The following MEGF9 variants were observed in gnomAD, a reference collection of about 807,000 sequenced individuals.
MEGF9 encodes multiple EGF like domains 9.
Under a neutral mutation model 46.8 loss-of-function variants are expected in MEGF9, and 6 were observed. That is an observed-to-expected ratio of 0.13 (90% CI 0.07 to 0.25). The LOEUF is 0.25. Among genes scored for constraint, MEGF9 ranks in the 10% least tolerant of loss-of-function variants. The pLI, the probability that MEGF9 is intolerant of heterozygous loss-of-function variation, is 1.00. For synonymous variants in MEGF9, 302 were observed against 330.7 expected, an observed-to-expected ratio of 0.91 and a Z score of 0.94; for missense variants, 683 against 792.4, an observed-to-expected ratio of 0.86 and a Z score of 1.66.
At chr9:120,707,247 C>A (rs191318855) in intron 1 of MEGF9, among the ~76,000 whole-genome samples, 4 of 152,282 alleles carry the variant, frequency 2.6e-5, no homozygotes, top group Admixed American at 2.6e-4. Context: ...CACAATCCCT[C>A]AAATCTGATG....
intron 4 of MEGF9, among the ~76,000 whole-genome samples, chr9:120,611,867 G>GGAAGGAAGGA (rs1333169277): frequency 5.0e-5 from 7 of 139,036 alleles, no homozygotes; most frequent in African/African-American, 1.9e-4. Flanking sequence ...AAGGAAGAAA[G>GGAAGGAAGGA]AGAGAGAGAG....
At chr9:120,636,157 T>C (rs1003969953) in intron 2 of MEGF9, among the ~76,000 whole-genome samples, 3 of 152,208 alleles carry the variant, frequency 2.0e-5, no homozygotes, top group Non-Finnish European at 4.4e-5. Flanking sequence ...AGGCTGGTCT[T>C]GAACTCCTGA....
chr9:120,647,837 T>C (rs939087616), intron 2 of MEGF9, among the ~76,000 whole-genome samples: 1 of 152,174 alleles, frequency 6.6e-6, no homozygotes, highest in African/African-American at 2.4e-5. Flanking sequence ...AACTTGCTTA[T>C]CTATCTGTAC....
chr9:120,661,889 G>A (rs887490322), intron 1 of MEGF9, among the ~76,000 whole-genome samples: 5 of 152,164 alleles, frequency 3.3e-5, no homozygotes, highest in Admixed American at 6.5e-5. Context: ...TTCTGAAATC[G>A]GGCAGAAATT....
chr9:120,620,963 T>C (rs2043496972), intron 3 of MEGF9, among the ~76,000 whole-genome samples: 1 of 152,234 alleles, frequency 6.6e-6, no homozygotes, highest in African/African-American at 2.4e-5. Context: ...TCAAGTATTT[T>C]GCCACCCTGT....
At chr9:120,680,819 C>A (rs953259486) in intron 1 of MEGF9, among the ~76,000 whole-genome samples, 1 of 152,206 alleles carries the variant, frequency 6.6e-6, no homozygotes, top group African/African-American at 2.4e-5. Context: ...GCCACCACCA[C>A]CACTGGTTCT....
intron 1 of MEGF9, among the ~76,000 whole-genome samples, chr9:120,688,751 T>C (rs2043835490): frequency 6.6e-6 from 1 of 152,064 alleles, no homozygotes; most frequent in Non-Finnish European, 1.5e-5. Flanking sequence ...GGTAAGTATA[T>C]GCAGGAGTTT....
At chr9:120,669,443 A>G (rs776986074) in intron 1 of MEGF9, among the ~76,000 whole-genome samples, 1 of 152,176 alleles carries the variant, frequency 6.6e-6, no homozygotes, top group African/African-American at 2.4e-5. Context: ...TTTACAAAAG[A>G]CATAAAACAG....
intron 1 of MEGF9, among the ~76,000 whole-genome samples, chr9:120,660,536 G>C (rs986313260): frequency 4.7e-5 from 7 of 149,322 alleles, no homozygotes; most frequent in African/African-American, 1.7e-4. Flanking sequence ...ATTTTTTTTT[G>C]TACCCATTAA....
At position 120,656,546 on chromosome 9, in the gene MEGF9, CAAA is replaced by C. The variant is rs11446439; in HGVS notation, c.803+2825_803+2827del. 5.5e-3 allele frequency among the ~76,000 whole-genome samples: 487 copies of C among 88,890 alleles called. 4 individuals are homozygous for C. The highest frequency in any genetic ancestry group is 0.021 in the African/African-American group (457 of 21,844). The allele number at this position is 88,890 out of a possible 152,430, so 58.3% of individuals were successfully genotyped here. A position where few individuals can be genotyped will look rare whatever the true frequency, so the allele number is the denominator to read the frequency against. ...TGAGAGACAGAGCGAGACTCCGTCT[CAAA>C]AAAAAAAAAAAAAAAAAAGATTAAA... On this transcript the variant is annotated intron_variant, in intron 2 of 5. Transcript: ENST00000373930.
chr9:120,672,382 C>T lies in MEGF9; in HGVS notation c.602-12807G>A, dbSNP rs1179272543. On this transcript the variant is annotated intron_variant, in intron 1 of 5. Coordinates refer to ENST00000373930, the MANE Select transcript of MEGF9 (RefSeq NM_001080497.3). The stretch of plus-strand genomic sequence containing the variant: ...CCAAGGTGGGAGGATTACATGAATC[C>T]AGGAGTTCAAGACCAGCCTAGGCAA... Among the ~76,000 whole-genome samples, 3 of 151,936 alleles carry T rather than the reference C, an allele frequency of 2.0e-5. No individual in the cohort carries two copies. The South Asian group carries it at 6.2e-4, about 32-fold the overall frequency.
intron 1 of MEGF9, among the ~76,000 whole-genome samples, chr9:120,689,145 T>C (rs563532809): frequency 5.3e-5 from 8 of 152,332 alleles, no homozygotes; most frequent in African/African-American, 1.9e-4. Flanking sequence ...TAGAACATTA[T>C]GGTACATGTG....
chr9:120,643,631 T>G (rs184477792), intron 2 of MEGF9, among the ~76,000 whole-genome samples: 2 of 152,298 alleles, frequency 1.3e-5, no homozygotes, highest in Non-Finnish European at 2.9e-5. Context: ...AATATTAGAT[T>G]TAAAGAGGAG....
chr9:120,605,078 C>A lies in MEGF9; in HGVS notation c.*112G>T. The A allele has an allele frequency of 2.9e-6, 3 of 1,029,474 alleles. No individual in the cohort carries two copies. The South Asian group carries it at 4.8e-5, about 16-fold the overall frequency. The allele number at this position is 1,029,474 out of a possible 1,614,324, so 63.8% of individuals were successfully genotyped here. On this transcript the variant is annotated 3_prime_UTR_variant, in exon 6 of 6. Transcript: ENST00000373930. The surrounding 1 kb of genome is among the most constrained non-coding windows in gnomAD (Gnocchi z 4.0). Reference sequence around the variant, plus strand: ...AATTTGTACCTGAAAATTTCAGATGCACTATTTGCCTTTGCTTTCTCAGCA... The same window carrying A: ...AATTTGTACCTGAAAATTTCAGATGAACTATTTGCCTTTGCTTTCTCAGCA...
chr9:120,663,794 T>C (rs976570928), intron 1 of MEGF9, among the ~76,000 whole-genome samples: 2 of 152,204 alleles, frequency 1.3e-5, no homozygotes, highest in African/African-American at 4.8e-5. Flanking sequence ...CTTTAATTCT[T>C]TGGAAAACTC....
At chr9:120,638,369 C>T (rs577664715) in intron 2 of MEGF9, among the ~76,000 whole-genome samples, 1 of 152,290 alleles carries the variant, frequency 6.6e-6, no homozygotes, top group East Asian at 1.9e-4. Context: ...TAATTTAGAA[C>T]TCATTTTCTC....
chr9:120,714,379 T>C lies in MEGF9; in HGVS notation c.-21A>G, dbSNP rs1195223114. The C allele has an allele frequency of 2.3e-6, 3 of 1,285,148 alleles. No individual in the cohort carries two copies. Among genetic ancestry groups the C allele is most frequent in the African/African-American group, 3.1e-5 (2 of 63,690 alleles). The allele number at this position is 1,285,148 out of a possible 1,614,324, so 79.6% of individuals were successfully genotyped here. A position where few individuals can be genotyped will look rare whatever the true frequency, so the allele number is the denominator to read the frequency against. On this transcript the variant is annotated 5_prime_UTR_variant, in exon 1 of 6. An upstream open reading frame in the 5' UTR loses its in-frame stop. Coordinates refer to ENST00000373930, the MANE Select transcript of MEGF9 (RefSeq NM_001080497.3). The stretch of plus-strand genomic sequence containing the variant: ...TTCATTCATTCAGCCAGTCGGTTGG[T>C]CAGTCATCTTCTCCTCGTTGCAATC...
chr9:120,672,105 C>T (rs1161957749), intron 1 of MEGF9, among the ~76,000 whole-genome samples: 1 of 152,088 alleles, frequency 6.6e-6, no homozygotes, highest in Non-Finnish European at 1.5e-5. Context: ...CTTTCTCAGC[C>T]TAATAAAGGG....
chr9:120,697,260 T>C (rs1028667397), intron 1 of MEGF9, among the ~76,000 whole-genome samples: 16 of 152,168 alleles, frequency 1.1e-4, no homozygotes, highest in Admixed American at 7.2e-4. Context: ...TTTTTGCATT[T>C]TTTGTAGAGA....
Sources: allele counts gnomAD v4.1 joint callset (sites outside exome capture counted in the v4.1 genomes callset), GRCh38; gene constraint gnomAD v4.1.1; non-coding constraint Gnocchi (gnomAD v3.1); transcripts MANE v1.5; gene names NCBI Gene and HGNC (gene_info 2026-07-23, HGNC 2026-07-21).